Variants in CBFA2T2 observed in about 807,000 individuals in gnomAD.
CBFA2T2 encodes protein CBFA2T2.
CBFA2T2 carries 11 observed loss-of-function variants against 62.2 expected under a neutral mutation model. The ratio of observed to expected loss-of-function variants is 0.18; its 90% confidence interval spans 0.11 to 0.29. The LOEUF is 0.29. Among genes scored for constraint, CBFA2T2 ranks in the 10% least tolerant of loss-of-function variants. The pLI, the probability that CBFA2T2 is intolerant of heterozygous loss-of-function variation, is 1.00. For missense variants in CBFA2T2, 592 were observed against 774.1 expected (o/e 0.76, Z 2.79); for synonymous variants, 295 against 287.5 (o/e 1.03, Z -0.27).
In CBFA2T2 at chr20:33,537,111, C is replaced by T. The variant is rs534402023; in HGVS notation, c.34+46810C>T. 4.5e-3 allele frequency among the ~76,000 whole-genome samples: 691 copies of T among 152,324 alleles called. 4 individuals carry two copies. The highest frequency in any genetic ancestry group is 0.015 in the African/African-American group (640 of 41,574). ...GGTGGCCGGGCAGAGGCTGCAATCT[C>T]GGCACTTTGGGAGGCCAAGGCAGGC... On this transcript the variant is annotated intron_variant, in intron 1 of 10. Coordinates refer to ENST00000342704, the MANE Select transcript of CBFA2T2 (RefSeq NM_001032999.3).
At chr20:33,513,051 C>G (rs771740171) in intron 1 of CBFA2T2, among the ~76,000 whole-genome samples, 3 of 152,108 alleles carry the variant, frequency 2.0e-5, no homozygotes, top group Non-Finnish European at 4.4e-5. Flanking sequence ...CGCACCCGGC[C>G]ACGTATGTAT....
intron 3 of CBFA2T2, among the ~76,000 whole-genome samples, chr20:33,616,425 A>G (rs2015715940): frequency 6.6e-6 from 1 of 152,202 alleles, no homozygotes. Flanking sequence ...GCAAAATGGT[A>G]TAGAACTATA....
intron 1 of CBFA2T2, among the ~76,000 whole-genome samples, chr20:33,596,810 C>T (rs1008627194): frequency 5.3e-5 from 8 of 152,068 alleles, no homozygotes; most frequent in African/African-American, 1.7e-4. Context: ...TCCTGATCTT[C>T]AGTTGCTCTT....
chr20:33,522,548 C>T (rs2011758715), intron 1 of CBFA2T2, among the ~76,000 whole-genome samples: 1 of 151,536 alleles, frequency 6.6e-6, no homozygotes, highest in African/African-American at 2.4e-5. Context: ...GTCAACATAG[C>T]AAGACCCTGT....
intron 1 of CBFA2T2, among the ~76,000 whole-genome samples, chr20:33,557,542 T>C (rs1436669595): frequency 2.0e-5 from 3 of 152,138 alleles, no homozygotes; most frequent in Non-Finnish European, 4.4e-5. Context: ...GGTCTCACTC[T>C]GTCACCCAGG....
chr20:33,636,682 T>G lies in CBFA2T2; in HGVS notation c.1271T>G (p.Val424Gly). ...AACAGCAGGCCAGGTACAGGATACG[T>G]ACCTGTGGAGTTTTGGAAAAAAACA... ...EFNSRPGTGY[V>G]PVEFWKKTEE... Residue 424 changes from valine (V) to glycine (G), a missense_variant, in exon 9 of 11, where the codon GTA (valine) becomes GGA (glycine). Physicochemically the swap from Val to Gly is moderately radical, Grantham distance 109. Transcript: ENST00000342704. The G allele has an allele frequency of 6.2e-7, 1 of 1,613,714 alleles. No individual in the cohort carries two copies. The highest frequency in any genetic ancestry group is 8.5e-7 in the Non-Finnish European group (1 of 1,179,676).
Position 33,623,256 on chromosome 20 carries a change from A to T in CBFA2T2, c.652A>T (p.Met218Leu). 1.9e-6 allele frequency: 3 copies of T among 1,614,232 alleles called. No homozygotes were observed. The highest frequency in any genetic ancestry group is 1.6e-4 in the Middle Eastern group (1 of 6,062). The change falls in exon 5 of 11, where the codon ATG (methionine) becomes TTG (leucine). Residue 218 changes from methionine (M) to leucine (L), a missense_variant. This residue lies in a region of CBFA2T2 where 449 missense variants were observed against 551.2 expected (regional missense o/e 0.81). Coordinates refer to ENST00000342704, the MANE Select transcript of CBFA2T2 (RefSeq NM_001032999.3). ...GCCTGCTGACTCGTCAGAGTTGCTC[A>T]TGGAGGTGCACGGAAATGGGAAGAG... Reference protein sequence around the residue: ...ASPADSSELLMEVHGNGKRPS... With the variant: ...ASPADSSELLLEVHGNGKRPS...
chr20:33,596,483 A>G (rs774812290), intron 1 of CBFA2T2, among the ~76,000 whole-genome samples: 18 of 152,194 alleles, frequency 1.2e-4, no homozygotes, highest in Non-Finnish European at 2.4e-4. Flanking sequence ...TGAAATTCAC[A>G]GTGCTTACAG....
intron 1 of CBFA2T2, among the ~76,000 whole-genome samples, chr20:33,517,975 G>C (rs1176614006): frequency 6.6e-6 from 1 of 151,680 alleles, no homozygotes; most frequent in East Asian, 1.9e-4. Context: ...TTGAGACAGA[G>C]TCTCTCTCTG....
At chr20:33,547,856 G>A (rs1407471584) in intron 1 of CBFA2T2, among the ~76,000 whole-genome samples, 1 of 152,128 alleles carries the variant, frequency 6.6e-6, no homozygotes, top group Non-Finnish European at 1.5e-5. Context: ...TCTGTGAAGT[G>A]AACATTATTT....
At chr20:33,498,400 C>T (rs916668367) in intron 1 of CBFA2T2, among the ~76,000 whole-genome samples, 2 of 151,338 alleles carry the variant, frequency 1.3e-5, no homozygotes, top group African/African-American at 4.9e-5. Context: ...TACAGGCATG[C>T]GCCACCACAC....
At chr20:33,545,627 A>G (rs967385712) in intron 1 of CBFA2T2, among the ~76,000 whole-genome samples, 1 of 152,096 alleles carries the variant, frequency 6.6e-6, no homozygotes, top group Non-Finnish European at 1.5e-5. Context: ...TTTGTATTTC[A>G]CTAGAGATGG....
rs371085270 is a variant in CBFA2T2, at chr20:33,619,660, C to T, written c.510+54C>T. ...ATCTTGAATATTTCCTCAAATTCTG[C>T]TAATCCCTGTTACGTGATTTAAATC... On this transcript the variant is annotated intron_variant, in intron 4 of 10. Coordinates refer to ENST00000342704, the MANE Select transcript of CBFA2T2 (RefSeq NM_001032999.3). 6.3e-6 allele frequency: 8 copies of T among 1,278,764 alleles called. No homozygotes were observed. The African/African-American group carries it at 1.2e-4, about 19-fold the overall frequency. 79.2% of individuals were successfully genotyped at this position (1,278,764 alleles called of 1,614,324 possible). A position where few individuals can be genotyped will look rare whatever the true frequency, so the allele number is the denominator to read the frequency against.
intron 1 of CBFA2T2, among the ~76,000 whole-genome samples, chr20:33,516,532 G>A (rs1035763077): frequency 3.9e-5 from 6 of 152,056 alleles, no homozygotes; most frequent in African/African-American, 1.4e-4. Flanking sequence ...CCTAGACTTC[G>A]GGAGGCCGAG....
chr20:33,642,475 C>T (rs1327405483), intron 10 of CBFA2T2, among the ~76,000 whole-genome samples: 1 of 152,042 alleles, frequency 6.6e-6, no homozygotes, highest in Non-Finnish European at 1.5e-5. Context: ...GGCATGGTGT[C>T]ATGCACCTGT....
At chr20:33,491,930 G>T (rs1019683837) in intron 1 of CBFA2T2, among the ~76,000 whole-genome samples, 3 of 151,718 alleles carry the variant, frequency 2.0e-5, no homozygotes, top group African/African-American at 7.3e-5. Flanking sequence ...GCCCAGGCTG[G>T]AGTGCAGTAG....
chr20:33,496,736 A>G (rs569515914), intron 1 of CBFA2T2, among the ~76,000 whole-genome samples: 1 of 152,294 alleles, frequency 6.6e-6, no homozygotes, highest in Non-Finnish European at 1.5e-5. Context: ...TACAGAAGAG[A>G]TCGGAAAGTG....
At chr20:33,562,340 G>C (rs887774916) in intron 1 of CBFA2T2, 2 of 978,344 alleles carry the variant, frequency 2.0e-6, no homozygotes, top group African/African-American at 3.5e-5. Context: ...GGTTGGAAGG[G>C]TAGTGGAGAG....
At chr20:33,626,133 A>G (rs1243342944) in intron 6 of CBFA2T2, among the ~76,000 whole-genome samples, 1 of 151,704 alleles carries the variant, frequency 6.6e-6, no homozygotes, top group East Asian at 1.9e-4. Flanking sequence ...AAAACAAACA[A>G]AAAAAATGAG....
Sources: gnomAD v4.1 joint callset for allele counts (sites outside exome capture counted in the v4.1 genomes callset) on GRCh38, gnomAD v4.1.1 for gene constraint, gnomAD v4.1.1 regional missense constraint, MANE v1.5 for transcripts, NCBI Gene and HGNC (gene_info 2026-07-23, HGNC 2026-07-21) for gene names.